The following DCC variants were observed in gnomAD, a reference collection of about 807,000 sequenced individuals.
DCC encodes the protein netrin receptor DCC.
A neutral mutation model predicts 172.5 loss-of-function variants in DCC; 58 were observed. That is an observed-to-expected ratio of 0.34 (90% CI 0.27 to 0.42). The LOEUF is 0.42. Ranked by LOEUF, DCC falls within the 10% of genes least tolerant of loss-of-function variation. The pLI, the probability that DCC is intolerant of heterozygous loss-of-function variation, is 1.00. For synonymous variants in DCC, 709 were observed against 644.5 expected, an observed-to-expected ratio of 1.10 and a Z score of -1.52; for missense variants, 1,740 against 1,791.0, an observed-to-expected ratio of 0.97 and a Z score of 0.51.
chr18:52,989,225 A>G (rs1215237622), intron 5 of DCC, among the ~76,000 whole-genome samples: 3 of 152,142 alleles, frequency 2.0e-5, no homozygotes, highest in African/African-American at 7.2e-5. Flanking sequence ...AATATATTTT[A>G]TAAGATTGTT....
intron 9 of DCC, among the ~76,000 whole-genome samples, chr18:53,189,215 G>A (rs928555539): frequency 2.0e-5 from 3 of 151,770 alleles, no homozygotes; most frequent in Non-Finnish European, 2.9e-5. Flanking sequence ...GTGTAGATAT[G>A]TGTATATGTA....
chr18:52,467,754 A>G (rs1016117949), intron 1 of DCC, among the ~76,000 whole-genome samples: 5 of 152,112 alleles, frequency 3.3e-5, no homozygotes, highest in African/African-American at 1.2e-4. Flanking sequence ...CTGGCATGAG[A>G]TGGTATCTCA....
chr18:53,286,365 C>T (rs1050735792), intron 12 of DCC, among the ~76,000 whole-genome samples: 2 of 152,038 alleles, frequency 1.3e-5, no homozygotes, highest in Non-Finnish European at 2.9e-5. Flanking sequence ...AGTGACCTGA[C>T]GGTTTTAAAA....
intron 15 of DCC, among the ~76,000 whole-genome samples, chr18:53,354,609 T>C (rs569890174): frequency 8.7e-4 from 133 of 152,266 alleles, no homozygotes; most frequent in Middle Eastern, 3.4e-3. Flanking sequence ...TTGATGGGCT[T>C]CTTTGTTTTT....
intron 2 of DCC, among the ~76,000 whole-genome samples, chr18:52,769,043 A>G (rs1275732513): frequency 6.6e-6 from 1 of 152,210 alleles, no homozygotes; most frequent in Admixed American, 6.5e-5. Context: ...CATGGTAGCA[A>G]GTCTTCAGTT....
At chr18:52,833,143 C>T (rs1053804086) in intron 2 of DCC, among the ~76,000 whole-genome samples, 2 of 152,102 alleles carry the variant, frequency 1.3e-5, no homozygotes, top group Non-Finnish European at 2.9e-5. Context: ...CTCACTGGCA[C>T]ATATCTTCCA....
chr18:53,292,110 T>TCCCC (rs1166233379), intron 12 of DCC, among the ~76,000 whole-genome samples: 1 of 89,154 alleles, frequency 1.1e-5, no homozygotes, highest in Non-Finnish European at 2.3e-5. Flanking sequence ...TTCTTTGAGC[T>TCCCC]CCACCCCCCC....
At chr18:52,775,757 G>T (rs2037419549) in intron 2 of DCC, among the ~76,000 whole-genome samples, 1 of 152,236 alleles carries the variant, frequency 6.6e-6, no homozygotes, top group Admixed American at 6.5e-5. Context: ...CTGGCCGCCT[G>T]TGTGTCTGCC....
intron 23 of DCC, among the ~76,000 whole-genome samples, chr18:53,457,536 C>T (rs866875752): frequency 3.3e-5 from 5 of 152,110 alleles, no homozygotes; most frequent in Admixed American, 6.5e-5. Flanking sequence ...TTTTGATCTT[C>T]TAGAAAGAGA....
At chr18:53,160,319 A>C (rs767434876) in intron 8 of DCC, among the ~76,000 whole-genome samples, 3 of 152,208 alleles carry the variant, frequency 2.0e-5, no homozygotes, top group Non-Finnish European at 2.9e-5. Flanking sequence ...ACTATCCTTT[A>C]TTTAGGACTC....
chr18:52,406,002 C>T (rs1266764127), intron 1 of DCC, among the ~76,000 whole-genome samples: 1 of 149,958 alleles, frequency 6.7e-6, no homozygotes, highest in Non-Finnish European at 1.5e-5. Context: ...GAACAGAGCC[C>T]TCAGAAATAA....
At chr18:53,363,378 G>A (rs2057969081) in intron 15 of DCC, among the ~76,000 whole-genome samples, 1 of 152,158 alleles carries the variant, frequency 6.6e-6, no homozygotes, top group Admixed American at 6.5e-5. Flanking sequence ...ATTAAAGCAA[G>A]CACAATATTA....
At chr18:52,408,700 G>A (rs1429058931) in intron 1 of DCC, among the ~76,000 whole-genome samples, 1 of 152,022 alleles carries the variant, frequency 6.6e-6, no homozygotes, top group Non-Finnish European at 1.5e-5. Flanking sequence ...TTAAGCATAT[G>A]GTACTGGAAA....
chr18:53,521,112 A>G (rs750263646), intron 27 of DCC, among the ~76,000 whole-genome samples: 122 of 152,074 alleles, frequency 8.0e-4, no homozygotes, highest in Non-Finnish European at 6.0e-4. Context: ...CTGTGATTCT[A>G]TGAATATTAC....
chr18:52,383,180 A>G (rs1985657025), intron 1 of DCC, among the ~76,000 whole-genome samples: 1 of 152,096 alleles, frequency 6.6e-6, no homozygotes, highest in Non-Finnish European at 1.5e-5. Context: ...TGAACGTACT[A>G]AAGGCTCAAG....
At chr18:53,298,933 G>C (rs1169103780) in intron 12 of DCC, among the ~76,000 whole-genome samples, 1 of 152,144 alleles carries the variant, frequency 6.6e-6, no homozygotes, top group East Asian at 1.9e-4. Context: ...GATAGTGCCA[G>C]GTGACCTTGG....
At chr18:53,239,939 G>A (rs891017960) in intron 12 of DCC, among the ~76,000 whole-genome samples, 6 of 146,422 alleles carry the variant, frequency 4.1e-5, no homozygotes, top group African/African-American at 1.5e-4. Context: ...GCAGAGCAAC[G>A]AAGGCAATGC....
Position 53,307,891 on chromosome 18 carries a change from GTGTATGTATATATATATA to G in DCC, c.2053+2174_2053+2191del, listed in dbSNP as rs1176298423. Among the ~76,000 whole-genome samples, 46 of 48,006 alleles carry G rather than the reference GTGTATGTATATATATATA, an allele frequency of 9.6e-4. 1 individual carries two copies. Among genetic ancestry groups the G allele is most frequent in the Admixed American group, 3.0e-3 (10 of 3,300 alleles). 31.5% of individuals were successfully genotyped at this position (48,006 alleles called of 152,430 possible). A position where few individuals can be genotyped will look rare whatever the true frequency, so the allele number is the denominator to read the frequency against. ...ATAACCCTTCTGGAAAGCAATGTGT[GTGTATGTATATATATATA>G]TATATATATATATATATATATATAT... is the stretch of plus-strand genomic sequence containing the variant. On this transcript the variant is annotated intron_variant, in intron 13 of 28. Transcript: ENST00000442544.
At chr18:53,268,753 G>T (rs2056712470) in intron 12 of DCC, among the ~76,000 whole-genome samples, 12 of 152,116 alleles carry the variant, frequency 7.9e-5, no homozygotes, top group Admixed American at 7.9e-4. Context: ...CTCTCTCTCA[G>T]TCTTTATTAT....
Sources: allele counts gnomAD v4.1 joint callset (sites outside exome capture counted in the v4.1 genomes callset), GRCh38; gene constraint gnomAD v4.1.1; transcripts MANE v1.5; gene names NCBI Gene and HGNC (gene_info 2026-07-23, HGNC 2026-07-21).